GABRG3: variants seen among roughly 807,000 people sequenced by gnomAD.
GABRG3 encodes the protein gamma-aminobutyric acid type A receptor subunit gamma3.
Under a neutral mutation model 48.8 loss-of-function variants are expected in GABRG3, and 25 were observed. The ratio of observed to expected loss-of-function variants is 0.51; its 90% confidence interval spans 0.37 to 0.72. The LOEUF is 0.72. Ranked by LOEUF, GABRG3 falls within the 30% of genes least tolerant of loss-of-function variation. The probability of loss-of-function intolerance (pLI) is 0.00; values close to 1 mark genes in which losing one functional copy is unlikely to be tolerated. For synonymous variants in GABRG3, 227 were observed against 217.6 expected (o/e 1.04, Z -0.38); for missense variants, 394 against 577.9 (o/e 0.68, Z 3.26).
intron 5 of GABRG3, among the ~76,000 whole-genome samples, chr15:27,383,140 G>A (rs1290527303): frequency 1.3e-5 from 2 of 152,156 alleles, no homozygotes; most frequent in Non-Finnish European, 2.9e-5. Context: ...CTGTGCTGAT[G>A]TGCTAGGGAC....
At chr15:27,506,358 C>T (rs1489247741) in intron 6 of GABRG3, among the ~76,000 whole-genome samples, 1 of 152,008 alleles carries the variant, frequency 6.6e-6, no homozygotes, top group Non-Finnish European at 1.5e-5. Flanking sequence ...GTGACTGGTT[C>T]CAGAAGGGGA....
At chr15:27,308,217 TATAAAC>T (rs1252309287) in intron 3 of GABRG3, among the ~76,000 whole-genome samples, 638 of 46,500 alleles carry the variant, frequency 0.014, 191 homozygotes, top group African/African-American at 0.049. Context: ...TCCAAACATA[TATAAAC>T]ATGTTTATAT....
chr15:27,300,927 A>C (rs1042739649), intron 3 of GABRG3, among the ~76,000 whole-genome samples: 2 of 152,136 alleles, frequency 1.3e-5, no homozygotes, highest in African/African-American at 2.4e-5. Flanking sequence ...AGATCGCACC[A>C]CTGTACTCCA....
chr15:27,345,789 C>T (rs947249048), intron 5 of GABRG3, among the ~76,000 whole-genome samples: 4 of 152,042 alleles, frequency 2.6e-5, no homozygotes, highest in Non-Finnish European at 2.9e-5. Flanking sequence ...CACTGTGGCT[C>T]ACACCTGTAA....
intron 5 of GABRG3, among the ~76,000 whole-genome samples, chr15:27,382,695 G>C (rs1895810721): frequency 6.6e-6 from 1 of 152,186 alleles, no homozygotes; most frequent in Non-Finnish European, 1.5e-5. Context: ...TTTCAGAAGT[G>C]GTGGGGTGTT....
At chr15:27,444,539 G>A (rs1888884881) in intron 5 of GABRG3, among the ~76,000 whole-genome samples, 1 of 152,036 alleles carries the variant, frequency 6.6e-6, no homozygotes, top group Admixed American at 6.6e-5. Flanking sequence ...TATGTTTCTT[G>A]AAAATAGTAT....
rs369586173 is a variant in GABRG3, at chr15:27,026,721, G to A, written c.203-33G>A. On this transcript the variant is annotated intron_variant, in intron 2 of 9. Transcript: ENST00000615808. ...GCTCTCCTCTGTCTTTCTCCGGCAC[G>A]AAGTATTAACATACATGTATTTTTC... 4.6e-5 allele frequency: 71 copies of A among 1,544,660 alleles called. No individual in the cohort carries two copies. The African/African-American group carries it at 7.2e-4, about 16-fold the overall frequency.
intron 2 of GABRG3, among the ~76,000 whole-genome samples, chr15:27,006,424 C>T (rs1240483980): frequency 1.3e-5 from 2 of 152,152 alleles, no homozygotes; most frequent in Non-Finnish European, 2.9e-5. Context: ...TGGTCTCAAA[C>T]TCTTGGGCTC....
At chr15:27,353,871 T>TG (rs1181115692) in intron 5 of GABRG3, among the ~76,000 whole-genome samples, 1 of 152,208 alleles carries the variant, frequency 6.6e-6, no homozygotes, top group Admixed American at 6.5e-5. Flanking sequence ...TTCTCTGAGA[T>TG]GCTGTGCATG....
At chr15:27,494,670 T>C (rs1890439738) in intron 6 of GABRG3, among the ~76,000 whole-genome samples, 1 of 152,186 alleles carries the variant, frequency 6.6e-6, no homozygotes, top group Non-Finnish European at 1.5e-5. Flanking sequence ...CTGATGTCCT[T>C]ACAAGATCTG....
intron 6 of GABRG3, among the ~76,000 whole-genome samples, chr15:27,510,756 T>C (rs942200209): frequency 2.6e-5 from 4 of 152,250 alleles, no homozygotes; most frequent in Non-Finnish European, 4.4e-5. Context: ...TTTTACATTA[T>C]ATTTATACCT....
chr15:26,981,544 G>T (rs1254658698), intron 2 of GABRG3, among the ~76,000 whole-genome samples: 1 of 152,160 alleles, frequency 6.6e-6, no homozygotes, highest in African/African-American at 2.4e-5. Context: ...CCTATTTTCT[G>T]TCTAGTTTTC....
intron 9 of GABRG3, 105 bp downstream of exon 9, chr15:27,528,097 A>C: frequency 1.2e-6 from 1 of 828,954 alleles, no homozygotes; most frequent in Non-Finnish European, 2.0e-6. Context: ...TTGAAGACCA[A>C]TGAGTGATGC....
chr15:27,244,096 A>G (rs925066814), intron 3 of GABRG3, among the ~76,000 whole-genome samples: 5 of 152,208 alleles, frequency 3.3e-5, no homozygotes, highest in African/African-American at 7.2e-5. Context: ...AAGACATTTA[A>G]GAGGTAAGGT....
At chr15:27,048,631 C>A (rs1896405353) in intron 3 of GABRG3, among the ~76,000 whole-genome samples, 1 of 152,206 alleles carries the variant, frequency 6.6e-6, no homozygotes, top group Admixed American at 6.5e-5. Context: ...CAAATCATAA[C>A]ATTAATCAGC....
At chr15:27,052,164 T>G (rs1808781746) in intron 3 of GABRG3, among the ~76,000 whole-genome samples, 1 of 152,152 alleles carries the variant, frequency 6.6e-6, no homozygotes, top group Admixed American at 6.5e-5. Context: ...AGAGGAAGAA[T>G]GCCATGTCTG....
At chr15:27,469,560 C>T (rs1351104987) in intron 5 of GABRG3, among the ~76,000 whole-genome samples, 3 of 152,068 alleles carry the variant, frequency 2.0e-5, no homozygotes, top group African/African-American at 4.8e-5. Flanking sequence ...AGGCTGGTCT[C>T]GAACTCCTGA....
At chr15:27,177,773 T>C (rs1887792905) in intron 3 of GABRG3, among the ~76,000 whole-genome samples, 1 of 152,140 alleles carries the variant, frequency 6.6e-6, no homozygotes, top group Non-Finnish European at 1.5e-5. Flanking sequence ...TGGGCAGTGG[T>C]GAAAGCAATA....
chr15:27,036,204 G>T (rs11263697), intron 3 of GABRG3, among the ~76,000 whole-genome samples: 3,909 of 152,254 alleles, frequency 0.026, 222 homozygotes, highest in East Asian at 0.25. Flanking sequence ...ACTCCTGGGT[G>T]TGGCCACCCC....
Sources: allele counts gnomAD v4.1 joint callset (sites outside exome capture counted in the v4.1 genomes callset), GRCh38; gene constraint gnomAD v4.1.1; transcripts MANE v1.5; gene names NCBI Gene and HGNC (gene_info 2026-07-23, HGNC 2026-07-21).